Variants in ROBO2 observed in about 807,000 individuals in gnomAD.
ROBO2 encodes the protein roundabout homolog 2.
ROBO2 carries 53 observed loss-of-function variants against 160.8 expected under a neutral mutation model. The observed-to-expected ratio is 0.33, with a 90% confidence interval of 0.26 to 0.41. ROBO2 has a LOEUF of 0.41. Among genes scored for constraint, ROBO2 ranks in the 10% least tolerant of loss-of-function variants. The pLI is 1.00. For missense variants in ROBO2, 1,577 were observed against 1,722.4 expected (o/e 0.92, Z 1.49); for synonymous variants, 664 against 611.7 (o/e 1.09, Z -1.26).
At chr3:77,098,930 G>A (rs2071496659) in intron 2 of ROBO2, among the ~76,000 whole-genome samples, 1 of 152,070 alleles carries the variant, frequency 6.6e-6, no homozygotes, top group African/African-American at 2.4e-5. Flanking sequence ...TTGTTGTCAT[G>A]TACGTCTTCA....
rs535671455 is a variant in ROBO2 at position 77,628,100 on chromosome 3, T to A, written c.3760+5668T>A. 3.3e-5 allele frequency among the ~76,000 whole-genome samples: 5 copies of A among 152,172 alleles called. No homozygotes were observed. The South Asian group carries it at 6.2e-4, about 19-fold the overall frequency. Reference sequence around the variant, plus strand: ...TTAACAGCTTGAATACATTTGAGATTTTTTTTTGCCTTTTCTGCAATTTAA... The same window carrying A: ...TTAACAGCTTGAATACATTTGAGATATTTTTTTGCCTTTTCTGCAATTTAA... On this transcript the variant is annotated intron_variant, in intron 23 of 25. Coordinates refer to ENST00000461745, the Ensembl canonical transcript of ROBO2.
In ROBO2 at chr3:77,352,423, C is replaced by A. The variant is rs1419561630; in HGVS notation, c.389-124991C>A. The stretch of plus-strand genomic sequence containing the variant: ...GACATCCTGTGTCTATACACAGCAG[C>A]ATCAGCCCAGAGAGAGACATCAGTT... On this transcript the variant is annotated intron_variant, in intron 2 of 25. Transcript: ENST00000461745. Among the ~76,000 whole-genome samples the A allele has an allele frequency of 4.6e-5, 7 of 152,042 alleles. No homozygotes were observed. The East Asian group carries it at 1.4e-3, about 29-fold the overall frequency.
At chr3:77,431,025 A>G (rs1190635756) in intron 2 of ROBO2, among the ~76,000 whole-genome samples, 7 of 152,208 alleles carry the variant, frequency 4.6e-5, no homozygotes, top group Non-Finnish European at 1.0e-4. Context: ...ATCTGCTGTA[A>G]CTATTTCTCA....
At chr3:76,778,460 G>C (rs1381608797) in intron 2 of ROBO2, among the ~76,000 whole-genome samples, 1 of 151,010 alleles carries the variant, frequency 6.6e-6, no homozygotes, top group African/African-American at 2.4e-5. Flanking sequence ...ATTAGCTAGT[G>C]TTCTTGAGTA....
chr3:77,602,357 A>C, exon 20 of ROBO2: 1 of 1,614,144 alleles, frequency 6.2e-7, no homozygotes, highest in Non-Finnish European at 8.5e-7. Context: ...GCCACGACAC[A>C]GATCTTGCAT....
intron 13 of ROBO2, among the ~76,000 whole-genome samples, chr3:77,572,399 C>A (rs1447532045): frequency 6.6e-6 from 1 of 151,932 alleles, no homozygotes; most frequent in Non-Finnish European, 1.5e-5. Flanking sequence ...GTCAGAAAAA[C>A]TCCTGCTTTT....
At chr3:76,700,732 C>G (rs942546775) in intron 2 of ROBO2, among the ~76,000 whole-genome samples, 6 of 151,990 alleles carry the variant, frequency 3.9e-5, no homozygotes, top group African/African-American at 1.4e-4. Flanking sequence ...TGTGTATAGC[C>G]CTTCTAATAG....
chr3:77,491,500 T>C (rs749532908), intron 4 of ROBO2, among the ~76,000 whole-genome samples: 1 of 152,168 alleles, frequency 6.6e-6, no homozygotes, highest in Non-Finnish European at 1.5e-5. Flanking sequence ...GATATATTAA[T>C]CCTATTGCCT....
chr3:77,375,101 A>G (rs1193602399), intron 2 of ROBO2, among the ~76,000 whole-genome samples: 1 of 152,178 alleles, frequency 6.6e-6, no homozygotes, highest in Non-Finnish European at 1.5e-5. Flanking sequence ...AGCCCTAGCA[A>G]TTCAGGAAGC....
intron 2 of ROBO2, among the ~76,000 whole-genome samples, chr3:77,137,789 A>G (rs1485702487): frequency 6.6e-6 from 1 of 152,134 alleles, no homozygotes; most frequent in Non-Finnish European, 1.5e-5. Flanking sequence ...CAGGAGACAC[A>G]TTTTCTTCAA....
intron 2 of ROBO2, among the ~76,000 whole-genome samples, chr3:76,084,076 T>G (rs747974430): frequency 6.6e-6 from 1 of 152,128 alleles, no homozygotes; most frequent in Non-Finnish European, 1.5e-5. Flanking sequence ...ATTAATGGAA[T>G]TCCTAGGAAA....
In ROBO2 at chr3:76,622,255, A is replaced by G. The variant is rs892349774; in HGVS notation, c.110-475759A>G. The stretch of plus-strand genomic sequence containing the variant: ...GGAAGGAAGAAAGAAAGAAAGAAAG[A>G]AAGAAAGAAAGAAAGAAAGAAAGAA... On this transcript the variant is annotated intron_variant, in intron 2 of 26. Transcript: ENST00000487694. Among the ~76,000 whole-genome samples, 292 of 49,552 alleles carry G rather than the reference A, an allele frequency of 5.9e-3. 4 individuals carry two copies. Among genetic ancestry groups the G allele is most frequent in the African/African-American group, 0.01 (124 of 12,280 alleles). The allele number at this position is 49,552 out of a possible 152,430, so 32.5% of individuals were successfully genotyped here. A position where few individuals can be genotyped will look rare whatever the true frequency, so the allele number is the denominator to read the frequency against.
At chr3:76,261,986 A>G (rs1706798753) in intron 2 of ROBO2, among the ~76,000 whole-genome samples, 1 of 152,124 alleles carries the variant, frequency 6.6e-6, no homozygotes, top group Admixed American at 6.6e-5. Context: ...ATACTTTTAG[A>G]AATTATTTTT....
intron 2 of ROBO2, among the ~76,000 whole-genome samples, chr3:76,538,826 T>A (rs956681477): frequency 8.5e-5 from 13 of 152,212 alleles, no homozygotes; most frequent in Non-Finnish European, 8.8e-5. Context: ...TTCCCACTTA[T>A]AAGTGACATC....
chr3:76,701,903 CTGTA>C (rs1201549956), intron 2 of ROBO2, among the ~76,000 whole-genome samples: 1 of 149,848 alleles, frequency 6.7e-6, no homozygotes, highest in East Asian at 2.0e-4. Flanking sequence ...GTTCGGAGAA[CTGTA>C]TGTATTTAGA....
chr3:77,234,482 C>T, intron 2 of ROBO2, among the ~76,000 whole-genome samples: 1 of 150,152 alleles, frequency 6.7e-6, no homozygotes, highest in Non-Finnish European at 1.5e-5. Flanking sequence ...GAAAAGAATA[C>T]AATTAGGTGA....
At chr3:76,903,229 A>C (rs1340458722) in intron 2 of ROBO2, among the ~76,000 whole-genome samples, 1 of 152,110 alleles carries the variant, frequency 6.6e-6, no homozygotes, top group Non-Finnish European at 1.5e-5. Flanking sequence ...TATCAAAACC[A>C]ATGTTTCTCT....
At chr3:76,910,562 C>T (rs146408640) in intron 2 of ROBO2, among the ~76,000 whole-genome samples, 15,773 of 151,316 alleles carry the variant, frequency 0.1, 1,437 homozygotes, top group African/African-American at 0.25. Flanking sequence ...CCCGTCTCTG[C>T]TAAAAATAGA....
intron 2 of ROBO2, among the ~76,000 whole-genome samples, chr3:76,041,234 T>A (rs932833988): frequency 2.0e-4 from 31 of 152,044 alleles, no homozygotes; most frequent in Admixed American, 1.8e-3. Flanking sequence ...ATTCTAAATC[T>A]TACTGCTGAG....
Sources: allele counts gnomAD v4.1 joint callset (sites outside exome capture counted in the v4.1 genomes callset), GRCh38; gene constraint gnomAD v4.1.1; transcripts MANE v1.5; gene names NCBI Gene and HGNC (gene_info 2026-07-23, HGNC 2026-07-21).